The following SIRT2 variants were observed in gnomAD, a reference collection of about 807,000 sequenced individuals.
The protein encoded by SIRT2 is NAD-dependent protein deacetylase sirtuin-2.
Under a neutral mutation model 57.4 loss-of-function variants are expected in SIRT2, and 40 were observed. That is an observed-to-expected ratio of 0.70 (90% CI 0.54 to 0.91). SIRT2 has a LOEUF of 0.91. SIRT2 is among the 40% of genes least tolerant of loss of function. SIRT2 has a pLI of 0.00. For synonymous variants in SIRT2, 161 were observed against 195.7 expected, an observed-to-expected ratio of 0.82 and a Z score of 1.48; for missense variants, 439 against 510.4, an observed-to-expected ratio of 0.86 and a Z score of 1.35.
In SIRT2 at chr19:38,878,900, C is replaced by T. The variant is rs1347114374; in HGVS notation, c.*255G>A. On this transcript the variant is annotated 3_prime_UTR_variant, in exon 16 of 16. Coordinates refer to ENST00000249396, the MANE Select transcript of SIRT2 (RefSeq NM_012237.4). ...CAGTTAGAGATGAGGGAGGTTACTC[C>T]TTAGCCCAGGAGTGGTTAGAGACAG... The T allele has an allele frequency of 9.3e-6, 4 of 430,318 alleles. No homozygotes were observed. The highest frequency in any genetic ancestry group is 1.2e-5 in the Non-Finnish European group (3 of 245,234). 26.7% of individuals were successfully genotyped at this position (430,318 alleles called of 1,614,324 possible).
At chr19:38,892,171 G>A (rs1973559741) in intron 4 of SIRT2, among the ~76,000 whole-genome samples, 2 of 152,222 alleles carry the variant, frequency 1.3e-5, no homozygotes, top group South Asian at 4.1e-4. Context: ...CGAGGAGGGT[G>A]GATTGCCTGA....
chr19:38,881,099 C>A lies in SIRT2; in HGVS notation c.747+1G>T, dbSNP rs1275806872. The A allele has an allele frequency of 3.1e-6, 5 of 1,613,142 alleles. No individual in the cohort carries two copies. Among genetic ancestry groups the A allele is most frequent in the Non-Finnish European group, 4.2e-6 (5 of 1,179,726 alleles). On this transcript the variant is annotated splice_donor_variant, in intron 11 of 15. Coordinates refer to ENST00000249396, the MANE Select transcript of SIRT2 (RefSeq NM_012237.4). LOFTEE classifies it high-confidence loss of function. ...TGCGGGGAGGCTGGGGGGCCACTTA[C>A]TGACTGCATACAGGAGAAGAAACGC...
chr19:38,879,567 T>TCGTGCC, intron 14 of SIRT2, 65 bp downstream of exon 14: 1 of 1,556,070 alleles, frequency 6.4e-7, no homozygotes, highest in Admixed American at 1.9e-5. Context: ...TCATCTGCCT[T>TCGTGCC]CGTGCCCCCG....
rs1313140219 is a variant in SIRT2 at position 38,890,136 on chromosome 19, CT to C, written c.234del (p.Val79SerfsTer29). ...ATTCCAGCTCCCACCAAACAGATGA[CT>C]CTGCGACCTGGAGGAGAGGAACTTA... ...ARYMQSERCR[R>X]VICLVGAGIS... is the part of the protein sequence containing the mutation. On this transcript the variant is annotated frameshift_variant, in exon 5 of 16. Coordinates refer to ENST00000249396, the MANE Select transcript of SIRT2 (RefSeq NM_012237.4). LOFTEE classifies it high-confidence loss of function. The C allele has an allele frequency of 6.2e-7, 1 of 1,614,236 alleles. No individual in the cohort carries two copies. Among genetic ancestry groups the C allele is most frequent in the South Asian group, 1.1e-5 (1 of 91,090 alleles).
chr19:38,888,074 T>C lies in SIRT2; in HGVS notation c.501+1013A>G, dbSNP rs377242060. On this transcript the variant is annotated intron_variant, in intron 8 of 15. Coordinates refer to ENST00000249396, the MANE Select transcript of SIRT2 (RefSeq NM_012237.4). ...CGGCCACCTGTTTTATAATTCGGGG[T>C]TCTGAGGTGTGATCTAGAGCTTGAA... 1.1e-3 allele frequency among the ~76,000 whole-genome samples: 174 copies of C among 152,216 alleles called. 2 individuals carry two copies. Among genetic ancestry groups the C allele is most frequent in the Middle Eastern group, 6.8e-3 (2 of 294 alleles).
rs45535036 is a variant in SIRT2, at chr19:38,893,508, T to A, written c.132A>T (p.Leu44Phe). ...GEADMDFLRN[L>F]FSQTLSLGSQ... is the part of the protein sequence containing the mutation. ...TGCCCAGGCTGAGCGTCTGGGAGAA[T>A]AAGTTCCGCAGGAAGTCCACTGACC... is the stretch of plus-strand genomic sequence containing the variant. The change falls in exon 4 of 16, where the codon TTA becomes TTT. Residue 44 changes from leucine to phenylalanine, a missense_variant. Leu to Phe is a conservative substitution (Grantham distance 22). Transcript: ENST00000249396. 12,918 of 1,612,994 alleles carry A rather than the reference T, an allele frequency of 8.0e-3. 69 individuals are homozygous for A. The highest frequency in any genetic ancestry group is 0.017 in the African/African-American group (1,287 of 74,978).
chr19:38,883,869 G>T, intron 8 of SIRT2, 113 bp from the exon 9 acceptor site: 1 of 1,119,892 alleles, frequency 8.9e-7, no homozygotes, highest in Non-Finnish European at 1.3e-6. Flanking sequence ...GGGGACAGGT[G>T]GAGAAGGGAG....
chr19:38,880,608 TG>T lies in SIRT2; in HGVS notation c.876+76del. 1.0e-6 allele frequency: 1 copy of T among 969,868 alleles called. No homozygotes were observed. Among genetic ancestry groups the T allele is most frequent in the Non-Finnish European group, 1.6e-6 (1 of 639,640 alleles). The allele number at this position is 969,868 out of a possible 1,614,324, so 60.1% of individuals were successfully genotyped here. On this transcript the variant is annotated intron_variant, in intron 13 of 15. Transcript: ENST00000249396. This position sits in a 1 kb window ranked among gnomAD's most constrained non-coding sequence, Gnocchi z 4.1. ...AATGCAAAGTGCTGGGGTTCCACAG[TG>T]GGGGTTCCCTCTGAGGAAAAGGGTG...
At chr19:38,895,035 C>T (rs1600129328) in intron 2 of SIRT2, among the ~76,000 whole-genome samples, 1 of 145,772 alleles carries the variant, frequency 6.9e-6, no homozygotes, top group African/African-American at 2.5e-5. Context: ...ATCGTACTGT[C>T]CCCCCCATCA....
In SIRT2 at chr19:38,889,251, T is replaced by C. The variant is rs140377992; in HGVS notation, c.433-96A>G. On this transcript the variant is annotated intron_variant, in intron 7 of 15. Coordinates refer to ENST00000249396, the MANE Select transcript of SIRT2 (RefSeq NM_012237.4). ...ACTGTTCTAGGCACTGTGACTGTTT[T>C]ACCCCCAGGGAACCGTCACAGCAGC... is the stretch of plus-strand genomic sequence containing the variant. 1,655 of 1,182,742 alleles carry C rather than the reference T, an allele frequency of 1.4e-3. 17 individuals are homozygous for C. In the African/African-American group the frequency reaches 0.022, roughly 16 times the overall value. 73.3% of individuals were successfully genotyped at this position (1,182,742 alleles called of 1,614,324 possible). A position where few individuals can be genotyped will look rare whatever the true frequency, so the allele number is the denominator to read the frequency against.
intron 2 of SIRT2, among the ~76,000 whole-genome samples, chr19:38,896,615 G>T (rs1321865202): frequency 1.3e-5 from 2 of 152,260 alleles, no homozygotes; most frequent in Non-Finnish European, 2.9e-5. Context: ...TTCCAGTTTT[G>T]CCCTGTGACG....
chr19:38,899,271 C>T (rs1173570805), intron 1 of SIRT2, among the ~76,000 whole-genome samples: 1 of 152,162 alleles, frequency 6.6e-6, no homozygotes, highest in African/African-American at 2.4e-5. Flanking sequence ...GTGCGAGAAA[C>T]ACGCGATCAT....
intron 2 of SIRT2, among the ~76,000 whole-genome samples, chr19:38,897,655 G>A (rs538890411): frequency 6.6e-6 from 1 of 152,036 alleles, no homozygotes; most frequent in African/African-American, 2.4e-5. Flanking sequence ...CTCCTGAGTA[G>A]CTGGCAATGC....
intron 2 of SIRT2, chr19:38,894,905 T>C (rs1476670221): frequency 2.2e-6 from 1 of 456,134 alleles, no homozygotes; most frequent in Non-Finnish European, 4.4e-6. Flanking sequence ...GATCCGGGGT[T>C]CCCTGGCTTC....
At chr19:38,893,694 A>G (rs908517147) in intron 3 of SIRT2, 125 bp downstream of exon 3, 1 of 1,315,352 alleles carries the variant, frequency 7.6e-7, no homozygotes, top group Non-Finnish European at 1.1e-6. Context: ...ACTGGTACCC[A>G]ACCCACTGCT....
intron 10 of SIRT2, 54 bp downstream of exon 10, chr19:38,881,378 A>G: frequency 6.6e-7 from 1 of 1,513,468 alleles, no homozygotes; most frequent in Non-Finnish European, 9.2e-7. Flanking sequence ...GGTCAGGGGG[A>G]GGAGGGGACC....
chr19:38,891,107 G>A (rs1469688985), intron 4 of SIRT2, among the ~76,000 whole-genome samples: 1 of 152,250 alleles, frequency 6.6e-6, no homozygotes, highest in African/African-American at 2.4e-5. Context: ...ACTGAGTCGT[G>A]ACCTTTTTGT....
At position 38,880,750 on chromosome 19, in the gene SIRT2, G is replaced by T; in HGVS notation, c.825-14C>A. 1 of 1,609,296 alleles carries T rather than the reference G, an allele frequency of 6.2e-7. No individual in the cohort carries two copies. The highest frequency in any genetic ancestry group is 8.5e-7 in the Non-Finnish European group (1 of 1,176,418). On this transcript the variant is annotated splice_polypyrimidine_tract_variant and intron_variant, in intron 12 of 15. Coordinates refer to ENST00000249396, the MANE Select transcript of SIRT2 (RefSeq NM_012237.4). This position sits in a 1 kb window ranked among gnomAD's most constrained non-coding sequence, Gnocchi z 4.1. ...GAGAGGGGTGCCCTGTGGGGAGGGG[G>T]AGCTAAGGGGTCAGGGTCTGTCCTG...
Position 38,898,665 on chromosome 19 carries a change from G to A in SIRT2, c.17-240C>T, listed in dbSNP as rs17881451. On this transcript the variant is annotated intron_variant, in intron 1 of 15. Coordinates refer to ENST00000249396, the MANE Select transcript of SIRT2 (RefSeq NM_012237.4). ...AGAGGCTGGAGAGGAAGATTTAGGG[G>A]GACAGGGAGAAAGTAGGGGCTTTTG... The A allele has an allele frequency of 2.6e-3, 964 of 376,132 alleles. 4 individuals carry two copies. The highest frequency in any genetic ancestry group is 0.014 in the Middle Eastern group (21 of 1,466). The allele number at this position is 376,132 out of a possible 1,614,324, so 23.3% of individuals were successfully genotyped here. A position where few individuals can be genotyped will look rare whatever the true frequency, so the allele number is the denominator to read the frequency against.
Sources: gnomAD v4.1 joint callset for allele counts (sites outside exome capture counted in the v4.1 genomes callset) on GRCh38, gnomAD v4.1.1 for gene constraint, Gnocchi (gnomAD v3.1) non-coding constraint, MANE v1.5 for transcripts, NCBI Gene and HGNC (gene_info 2026-07-23, HGNC 2026-07-21) for gene names.